The following KCNIP4 variants were observed in gnomAD, a reference collection of about 807,000 sequenced individuals.
KCNIP4 encodes the protein Kv channel-interacting protein 4.
In KCNIP4, 12 loss-of-function variants were observed where a neutral mutation model predicts 34.0. The observed-to-expected ratio is 0.35, with a 90% CI of 0.23 to 0.57. The LOEUF is 0.57. Ranked by LOEUF, KCNIP4 falls within the 20% of genes least tolerant of loss-of-function variation. The pLI is 0.83. For synonymous variants in KCNIP4, 124 were observed against 102.2 expected, an observed-to-expected ratio of 1.21 and a Z score of -1.29; for missense variants, 238 against 311.7, an observed-to-expected ratio of 0.76 and a Z score of 1.78.
At chr4:20,938,683 T>C (rs541762611) in intron 1 of KCNIP4, among the ~76,000 whole-genome samples, 8 of 152,282 alleles carry the variant, frequency 5.3e-5, no homozygotes, top group South Asian at 2.1e-4. Flanking sequence ...ACCCTTTCCA[T>C]TGACATTTCT....
chr4:20,858,013 G>A (rs543518487), intron 2 of KCNIP4, among the ~76,000 whole-genome samples: 1 of 151,972 alleles, frequency 6.6e-6, no homozygotes, highest in South Asian at 2.1e-4. Flanking sequence ...TTCGAGACCA[G>A]CCTGGCCAAC....
intron 1 of KCNIP4, among the ~76,000 whole-genome samples, chr4:21,271,854 C>A (rs1435540111): frequency 1.3e-5 from 2 of 152,118 alleles, no homozygotes; most frequent in Non-Finnish European, 2.9e-5. Flanking sequence ...AATGGGAAAG[C>A]AAATCATTAC....
intron 1 of KCNIP4, among the ~76,000 whole-genome samples, chr4:21,184,863 T>C (rs1321672777): frequency 6.6e-6 from 1 of 152,186 alleles, no homozygotes; most frequent in Non-Finnish European, 1.5e-5. Context: ...GGTGATCTCA[T>C]ACTAATAATA....
At chr4:21,483,263 A>G (rs1731599764) in intron 1 of KCNIP4, among the ~76,000 whole-genome samples, 1 of 151,790 alleles carries the variant, frequency 6.6e-6, no homozygotes, top group Non-Finnish European at 1.5e-5. Context: ...AAAAGGTTGA[A>G]CTTGATGACA....
At chr4:21,102,328 T>G (rs566189303) in intron 1 of KCNIP4, among the ~76,000 whole-genome samples, 2 of 152,304 alleles carry the variant, frequency 1.3e-5, no homozygotes, top group South Asian at 4.1e-4. Context: ...AATTATGCTA[T>G]CCATAAATTA....
intron 1 of KCNIP4, among the ~76,000 whole-genome samples, chr4:21,235,830 T>C (rs1324148273): frequency 6.6e-6 from 1 of 152,154 alleles, no homozygotes; most frequent in Non-Finnish European, 1.5e-5. Context: ...GTGAGGCATA[T>C]CCATTATCCT....
intron 1 of KCNIP4, among the ~76,000 whole-genome samples, chr4:21,492,741 A>G (rs1732515626): frequency 6.6e-6 from 1 of 152,182 alleles, no homozygotes; most frequent in Non-Finnish European, 1.5e-5. Flanking sequence ...CAAATCCCAA[A>G]CTATAAAGCC....
chr4:20,931,661 T>C (rs150162120), intron 1 of KCNIP4, among the ~76,000 whole-genome samples: 1 of 152,260 alleles, frequency 6.6e-6, no homozygotes, highest in Non-Finnish European at 1.5e-5. Context: ...TAGTTTATCA[T>C]TGATTGAAAC....
intron 1 of KCNIP4, among the ~76,000 whole-genome samples, chr4:21,434,277 C>G (rs540846651): frequency 8.5e-5 from 13 of 152,118 alleles, no homozygotes; most frequent in Non-Finnish European, 1.8e-4. Context: ...CTTTTCTCAC[C>G]TGAAAGACAG....
intron 5 of KCNIP4, among the ~76,000 whole-genome samples, chr4:20,745,780 T>G (rs910301677): frequency 3.9e-5 from 6 of 152,184 alleles, no homozygotes; most frequent in Admixed American, 3.9e-4. Flanking sequence ...TGCTGGCCAC[T>G]ATGCTGGGGA....
Position 20,767,737 on chromosome 4 carries a change from G to A in KCNIP4, c.289-8847C>T, listed in dbSNP as rs192939359. Among the ~76,000 whole-genome samples the A allele has an allele frequency of 2.6e-5, 4 of 152,154 alleles. No individual in the cohort carries two copies. In the East Asian group the frequency reaches 5.8e-4, roughly 22 times the overall value. On this transcript the variant is annotated intron_variant, in intron 3 of 8. Coordinates refer to ENST00000382152, the MANE Select transcript of KCNIP4 (RefSeq NM_025221.6). Reference sequence around the variant, plus strand: ...CCCCTAAATCATTCTGTTCTGATATGTGTCTTCTCCTCAGGATCAGAATTG... The same window carrying A: ...CCCCTAAATCATTCTGTTCTGATATATGTCTTCTCCTCAGGATCAGAATTG...
At chr4:21,625,132 T>A (rs1037374889) in intron 1 of KCNIP4, among the ~76,000 whole-genome samples, 1 of 152,078 alleles carries the variant, frequency 6.6e-6, no homozygotes, top group African/African-American at 2.4e-5. Context: ...TTGGTCCTCC[T>A]TTGCTGAGCA....
intron 7 of KCNIP4, 46 bp downstream of exon 7, chr4:20,732,635 T>G (rs755003603): frequency 7.8e-7 from 1 of 1,276,816 alleles, no homozygotes; most frequent in Non-Finnish European, 1.1e-6. Flanking sequence ...CATCAGGAAA[T>G]TTTCTCCTAA....
intron 1 of KCNIP4, among the ~76,000 whole-genome samples, chr4:21,788,155 AAAG>A (rs758800548): frequency 4.6e-5 from 7 of 152,196 alleles, no homozygotes; most frequent in African/African-American, 7.2e-5. Flanking sequence ...TTTGGGAGGT[AAAG>A]AAGAAGAAGT....
chr4:21,932,004 A>G (rs1005603041), intron 1 of KCNIP4, among the ~76,000 whole-genome samples: 1 of 152,108 alleles, frequency 6.6e-6, no homozygotes, highest in Non-Finnish European at 1.5e-5. Flanking sequence ...GGGTAGGCCA[A>G]TACTGACTCA....
chr4:20,851,904 A>G (rs1721071976), intron 2 of KCNIP4, among the ~76,000 whole-genome samples: 1 of 152,268 alleles, frequency 6.6e-6, no homozygotes, highest in African/African-American at 2.4e-5. Context: ...TTGCACAGCT[A>G]CTTGGGAGGC....
intron 1 of KCNIP4, among the ~76,000 whole-genome samples, chr4:21,218,141 G>A (rs1437102423): frequency 2.0e-5 from 3 of 151,578 alleles, no homozygotes; most frequent in Admixed American, 6.6e-5. Context: ...TCAGTCTCCC[G>A]AGTAGCTGGA....
chr4:21,036,542 C>T (rs1741459090), intron 1 of KCNIP4, among the ~76,000 whole-genome samples: 1 of 152,264 alleles, frequency 6.6e-6, no homozygotes, highest in African/African-American at 2.4e-5. Flanking sequence ...TATTTTGGCA[C>T]TGGAAGCAAA....
At chr4:21,439,427 A>C (rs1451530004) in intron 1 of KCNIP4, among the ~76,000 whole-genome samples, 1 of 152,222 alleles carries the variant, frequency 6.6e-6, no homozygotes, top group Non-Finnish European at 1.5e-5. Context: ...CGTATAATTC[A>C]CTGATAGTTT....
Sources: allele counts gnomAD v4.1 joint callset (sites outside exome capture counted in the v4.1 genomes callset), GRCh38; gene constraint gnomAD v4.1.1; transcripts MANE v1.5; gene names NCBI Gene and HGNC (gene_info 2026-07-23, HGNC 2026-07-21).